Variants in ZRANB3 observed in about 807,000 individuals in gnomAD.
ZRANB3 encodes the protein zinc finger RANBP2-type containing 3.
Under a neutral mutation model 133.8 loss-of-function variants are expected in ZRANB3, and 125 were observed. The ratio of observed to expected loss-of-function variants is 0.93; its 90% CI spans 0.81 to 1.08. The LOEUF is 1.08. Ranked by LOEUF, ZRANB3 falls within the 50% of genes least tolerant of loss-of-function variation. The pLI is 0.00. For missense variants in ZRANB3, 1,229 were observed against 1,275.5 expected, an observed-to-expected ratio of 0.96 and a Z score of 0.56; for synonymous variants, 387 against 432.7, an observed-to-expected ratio of 0.89 and a Z score of 1.31.
intron 2 of ZRANB3, among the ~76,000 whole-genome samples, chr2:135,460,049 A>G (rs1469607699): frequency 6.6e-6 from 1 of 152,086 alleles, no homozygotes; most frequent in Admixed American, 6.6e-5. Context: ...CAGAATATTC[A>G]AGGGTGTAAA....
At chr2:135,375,174 A>G (rs560785432) in intron 3 of ZRANB3, among the ~76,000 whole-genome samples, 27 of 152,324 alleles carry the variant, frequency 1.8e-4, no homozygotes, top group Admixed American at 1.2e-3. Context: ...GGCCGGGTGC[A>G]GTGGCTCACG....
At chr2:135,460,669 C>A (rs1559014049) in intron 2 of ZRANB3, among the ~76,000 whole-genome samples, 1 of 152,020 alleles carries the variant, frequency 6.6e-6, no homozygotes, top group Non-Finnish European at 1.5e-5. Context: ...ATAAAATAAA[C>A]CAAAGTAAGT....
At chr2:135,358,388 T>C (rs1177871638) in intron 3 of ZRANB3, among the ~76,000 whole-genome samples, 1 of 152,216 alleles carries the variant, frequency 6.6e-6, no homozygotes, top group Non-Finnish European at 1.5e-5. Context: ...AGCAGCCTGT[T>C]TGACTTATGT....
chr2:135,301,077 C>A (rs1045486508), intron 8 of ZRANB3, among the ~76,000 whole-genome samples: 5 of 152,128 alleles, frequency 3.3e-5, no homozygotes, highest in Non-Finnish European at 7.4e-5. Flanking sequence ...GTGGCACGAT[C>A]GTGGCTCACT....
rs568249740 is a variant in ZRANB3, at chr2:135,511,015, T to G, written c.-7-6519A>C. 5 of 781,442 alleles carry G rather than the reference T, an allele frequency of 6.4e-6. No individual in the cohort carries two copies. The East Asian group carries it at 1.2e-4, about 19-fold the overall frequency. The allele number at this position is 781,442 out of a possible 1,614,324, so 48.4% of individuals were successfully genotyped here. On this transcript the variant is annotated intron_variant, in intron 1 of 20. Coordinates refer to ENST00000264159, the MANE Select transcript of ZRANB3 (RefSeq NM_032143.4). ...GGTCTGGGTCCCCTTTGGGGAGGAA[T>G]ATTTCTTCGTTGTTCTCACATCCTT...
intron 2 of ZRANB3, among the ~76,000 whole-genome samples, chr2:135,431,190 G>C (rs1181349745): frequency 6.6e-6 from 1 of 151,514 alleles, no homozygotes; most frequent in Non-Finnish European, 1.5e-5. Flanking sequence ...TACTCGGGAG[G>C]CTCAAGTGGG....
intron 2 of ZRANB3, among the ~76,000 whole-genome samples, chr2:135,406,084 TAAAG>T (rs1688009970): frequency 2.0e-5 from 3 of 151,614 alleles, no homozygotes; most frequent in African/African-American, 7.3e-5. Context: ...GCAAGACTAA[TAAAG>T]AAGAAAAGAG....
chr2:135,246,725 G>A (rs1441216603), intron 12 of ZRANB3, among the ~76,000 whole-genome samples: 3 of 152,194 alleles, frequency 2.0e-5, no homozygotes, highest in Non-Finnish European at 4.4e-5. Flanking sequence ...TTATGTTCCT[G>A]TCTTTTGTTC....
intron 12 of ZRANB3, among the ~76,000 whole-genome samples, chr2:135,260,254 T>C (rs541607671): frequency 4.9e-4 from 74 of 152,238 alleles, no homozygotes; most frequent in African/African-American, 1.7e-3. Context: ...GTCAGACACA[T>C]TCAGATGTAG....
intron 6 of ZRANB3, among the ~76,000 whole-genome samples, chr2:135,341,120 G>A (rs935000214): frequency 8.0e-5 from 12 of 149,520 alleles, no homozygotes; most frequent in Admixed American, 1.3e-4. Flanking sequence ...TCCACCTCCC[G>A]GGTTCACGCC....
At chr2:135,279,277 T>C (rs879766644) in intron 8 of ZRANB3, among the ~76,000 whole-genome samples, 1 of 152,194 alleles carries the variant, frequency 6.6e-6, no homozygotes, top group Non-Finnish European at 1.5e-5. Context: ...TAAAGTCACA[T>C]GACAGATTCT....
intron 2 of ZRANB3, among the ~76,000 whole-genome samples, chr2:135,409,459 T>C (rs1688205105): frequency 6.6e-6 from 1 of 151,710 alleles, no homozygotes; most frequent in African/African-American, 2.4e-5. Flanking sequence ...AAAAAAACTC[T>C]CAACAAATTA....
Position 135,199,154 on chromosome 2 carries a change from T to C in ZRANB3, c.*1188A>G, listed in dbSNP as rs1463376390. On this transcript the variant is annotated 3_prime_UTR_variant, in exon 21 of 21. Coordinates refer to ENST00000264159, the MANE Select transcript of ZRANB3 (RefSeq NM_032143.4). The stretch of plus-strand genomic sequence containing the variant: ...TTAAATGCATATAACCATCTGATTA[T>C]GCCTTATTATAAAGTGTTTTGTCAT... The C allele has an allele frequency of 6.6e-6, 1 of 152,260 alleles. No individual in the cohort carries two copies. The highest frequency in any genetic ancestry group is 1.5e-5 in the Non-Finnish European group (1 of 68,036). The allele number at this position is 152,260 out of a possible 1,614,324, so 9.4% of individuals were successfully genotyped here. A position where few individuals can be genotyped will look rare whatever the true frequency, so the allele number is the denominator to read the frequency against.
intron 2 of ZRANB3, among the ~76,000 whole-genome samples, chr2:135,463,294 A>G (rs960692943): frequency 2.6e-5 from 4 of 152,194 alleles, no homozygotes; most frequent in Non-Finnish European, 5.9e-5. Flanking sequence ...GATTCATTAT[A>G]TTAATCCTCT....
intron 5 of ZRANB3, among the ~76,000 whole-genome samples, chr2:135,347,484 C>T (rs1402212890): frequency 6.6e-6 from 1 of 152,030 alleles, no homozygotes; most frequent in Non-Finnish European, 1.5e-5. Context: ...TTCGTAGAGA[C>T]TGGGTTTCAC....
intron 2 of ZRANB3, among the ~76,000 whole-genome samples, chr2:135,406,151 T>C (rs1574052544): frequency 3.9e-5 from 6 of 152,138 alleles, no homozygotes; most frequent in Admixed American, 3.9e-4. Flanking sequence ...TCACCACCGA[T>C]CCCACAGAAA....
In ZRANB3 at chr2:135,230,889, A is replaced by C. The variant is rs1260662432; in HGVS notation, c.1578T>G (p.Phe526Leu). ...ACTGTCTTTTTTTAGGTTGTGGTACAAAAAATGATCGAATATCATGCTGTT... is the reference window on the plus strand; with the variant it reads ...ACTGTCTTTTTTTAGGTTGTGGTACCAAAAATGATCGAATATCATGCTGTT... ...KEKQHDIRSF[F>L]VPQPKKRQLM... The change falls in exon 13 of 21, where the codon TTT becomes TTG. Residue 526 changes from phenylalanine to leucine, a missense_variant. Phe to Leu is a conservative substitution (Grantham distance 22, BLOSUM62 0). Coordinates refer to ENST00000264159, the MANE Select transcript of ZRANB3 (RefSeq NM_032143.4). The C allele has an allele frequency of 1.3e-6, 2 of 1,582,404 alleles. No individual in the cohort carries two copies. Among genetic ancestry groups the C allele is most frequent in the Middle Eastern group, 1.7e-4 (1 of 5,920 alleles).
intron 13 of ZRANB3, 57 bp downstream of exon 13, chr2:135,230,456 T>G: frequency 2.1e-6 from 3 of 1,418,850 alleles, no homozygotes; most frequent in Non-Finnish European, 2.8e-6. Context: ...AAAGCACAGG[T>G]TATCTGAAGA....
At chr2:135,485,824 A>G (rs1692093076) in intron 2 of ZRANB3, among the ~76,000 whole-genome samples, 1 of 152,258 alleles carries the variant, frequency 6.6e-6, no homozygotes, top group Non-Finnish European at 1.5e-5. Context: ...TTGCTAAAAA[A>G]GGGTAATGAA....
Sources: allele counts gnomAD v4.1 joint callset (sites outside exome capture counted in the v4.1 genomes callset), GRCh38; gene constraint gnomAD v4.1.1; transcripts MANE v1.5; gene names NCBI Gene and HGNC (gene_info 2026-07-23, HGNC 2026-07-21).